Variants in LAMP2 observed in about 807,000 individuals in gnomAD.
LAMP2 encodes lysosome associated membrane protein 2, also known as lysosome-associated membrane glycoprotein 2.
In LAMP2, 4 loss-of-function variants were observed where a neutral mutation model predicts 25.6. That is an observed-to-expected ratio of 0.16 (90% CI 0.08 to 0.36). The LOEUF (loss-of-function observed/expected upper bound fraction) is 0.36. Among genes scored for constraint, LAMP2 ranks in the 10% least tolerant of loss-of-function variants. LAMP2 has a pLI of 1.00. For missense variants in LAMP2, 272 were observed against 301.4 expected (o/e 0.90, Z 0.72); for synonymous variants, 108 against 112.7 (o/e 0.96, Z 0.27).
At chrX:120,440,120 A>G (rs1185315256) in intron 8 of LAMP2, among the ~76,000 whole-genome samples, 1 of 112,380 alleles carries the variant, frequency 8.9e-6, no homozygotes, top group African/African-American at 3.2e-5. Flanking sequence ...TTCGTGCTAC[A>G]ATAGCAGGGT....
intron 7 of LAMP2, 129 bp from the exon 8 acceptor site, chrX:120,442,023 G>A: frequency 1.8e-6 from 1 of 545,710 alleles, no homozygotes; most frequent in Non-Finnish European, 3.1e-6. Context: ...CAGATCACGT[G>A]AGCCCAGGAG....
intron 1 of LAMP2, among the ~76,000 whole-genome samples, chrX:120,462,519 CAAA>C (rs199797977): frequency 1.6e-5 from 1 of 61,598 alleles, no homozygotes; most frequent in Non-Finnish European, 3.0e-5. Flanking sequence ...AAGACCCTGT[CAAA>C]AAAAAAAAAA....
chrX:120,468,344 A>G (rs758402825), intron 1 of LAMP2, among the ~76,000 whole-genome samples: 37 of 109,845 alleles, frequency 3.4e-4, no homozygotes, highest in African/African-American at 1.2e-3. Context: ...CATCCTCAAT[A>G]CCTCCAAGTC....
Position 120,429,173 on chromosome X carries a change from T to TAC in LAMP2, c.*2149_*2150insGT, listed in dbSNP as rs1022319055. On this transcript the variant is annotated 3_prime_UTR_variant, in exon 9 of 9. Coordinates refer to ENST00000200639, the MANE Select transcript of LAMP2 (RefSeq NM_002294.3). ...GTGTGTGTGTGTACATATATATATA[T>TAC]ATACACACACACACAATTATTTTTA... 5 of 741,296 alleles carry TAC rather than the reference T, an allele frequency of 6.7e-6. No individual in the cohort carries two copies. The South Asian group carries it at 2.1e-4, about 31-fold the overall frequency. The allele number at this position is 741,296 out of a possible 1,213,427, so 61.1% of individuals were successfully genotyped here.
At position 120,426,464 on chromosome X, in the gene LAMP2, G is replaced by T. The variant is rs908554155; in HGVS notation, c.*4859C>A. 3.6e-5 allele frequency among the ~76,000 whole-genome samples: 4 copies of T among 109,957 alleles called. No individual in the cohort carries two copies. Among genetic ancestry groups the T allele is most frequent in the African/African-American group, 1.3e-4 (4 of 30,216 alleles). On this transcript the variant is annotated 3_prime_UTR_variant, in exon 9 of 9. Transcript: ENST00000200639. ...TTTGAGCTTCCTTTATCTTATTGGA[G>T]TTGAAGCAGTTTTTAACCCTCTGTT...
rs1175310889 is a variant in LAMP2 at position 120,427,751 on chromosome X, G to C, written c.*3572C>G. On this transcript the variant is annotated 3_prime_UTR_variant, in exon 9 of 9. Transcript: ENST00000200639. ...ACCTTAATAAACCATAACCCATACA[G>C]GTGTTCCAAATCAACACCTTTTTTA... 1 of 110,838 alleles carries C rather than the reference G, an allele frequency of 9.0e-6. No individual in the cohort carries two copies. The highest frequency in any genetic ancestry group is 1.9e-5 in the Non-Finnish European group (1 of 52,873). 9.1% of individuals were successfully genotyped at this position (110,838 alleles called of 1,213,427 possible).
At chrX:120,452,989 G>T (rs1470303087) in intron 3 of LAMP2, among the ~76,000 whole-genome samples, 1 of 110,385 alleles carries the variant, frequency 9.1e-6, no homozygotes, top group Non-Finnish European at 1.9e-5. Context: ...AGAGATTTAT[G>T]AACCCTCTAC....
At chrX:120,440,740 T>A (rs1306420054) in intron 8 of LAMP2, among the ~76,000 whole-genome samples, 3 of 112,127 alleles carry the variant, frequency 2.7e-5, no homozygotes, top group Non-Finnish European at 5.6e-5. Flanking sequence ...TACTAAAGGA[T>A]CAAAATAATT....
chrX:120,429,177 C>T lies in LAMP2; in HGVS notation c.*2146G>A, dbSNP rs868133941. The T allele has an allele frequency of 5.6e-4, 367 of 659,659 alleles. No homozygotes were observed. Among genetic ancestry groups the T allele is most frequent in the Non-Finnish European group, 6.0e-4 (339 of 567,083 alleles). 54.4% of individuals were successfully genotyped at this position (659,659 alleles called of 1,213,427 possible). On this transcript the variant is annotated 3_prime_UTR_variant, in exon 9 of 9. Transcript: ENST00000200639. ...GTGTGTGTACATATATATATATATACACACACACACAATTATTTTTAGCTG... is the reference window on the plus strand; with the variant it reads ...GTGTGTGTACATATATATATATATATACACACACACAATTATTTTTAGCTG...
At chrX:120,446,249 A>G in intron 6 of LAMP2, 56 bp downstream of exon 6, 1 of 1,050,182 alleles carries the variant, frequency 9.5e-7, no homozygotes, top group Non-Finnish European at 1.3e-6. Context: ...AACTATTTAG[A>G]CTTTCAGATG....
At chrX:120,436,170 A>ACACACACTCTCTCTCTCT (rs1251901451) in intron 8 of LAMP2, among the ~76,000 whole-genome samples, 1 of 57,304 alleles carries the variant, frequency 1.7e-5, no homozygotes, top group African/African-American at 5.0e-5. Flanking sequence ...ACACACACAC[A>ACACACACTCTCTCTCTCT]CTCTCTCTCT....
At chrX:120,436,496 G>A (rs1163162405) in intron 8 of LAMP2, 2 of 737,430 alleles carry the variant, frequency 2.7e-6, no homozygotes, top group African/African-American at 4.7e-5. Flanking sequence ...TAAGCAAATT[G>A]CCTTAAGAAA....
At chrX:120,449,226 C>G in intron 3 of LAMP2, 98 bp from the exon 4 acceptor site, 1 of 668,834 alleles carries the variant, frequency 1.5e-6, no homozygotes. Flanking sequence ...CTCTGCCTGC[C>G]CTACCCCAGG....
chrX:120,462,128 T>C (rs1229051533), intron 1 of LAMP2, among the ~76,000 whole-genome samples: 1 of 111,728 alleles, frequency 9.0e-6, no homozygotes, highest in East Asian at 2.8e-4. Context: ...GAGTTTATTC[T>C]CTAAATAAAA....
In LAMP2 at chrX:120,431,307, A is replaced by G; in HGVS notation, c.*16T>C. ...TATTTGCATGTATTTTTATATAATC[A>G]ATCAGGTTGCAGATTCTAAAATTGC... On this transcript the variant is annotated 3_prime_UTR_variant, in exon 9 of 9. Coordinates refer to ENST00000200639, the MANE Select transcript of LAMP2 (RefSeq NM_002294.3). 2.5e-6 allele frequency: 3 copies of G among 1,210,585 alleles called. No homozygotes were observed. The highest frequency in any genetic ancestry group is 3.4e-6 in the Non-Finnish European group (3 of 894,322).
chrX:120,468,996 T>G, intron 1 of LAMP2, 110 bp downstream of exon 1: 1 of 894,253 alleles, frequency 1.1e-6, no homozygotes, highest in Non-Finnish European at 1.6e-6. Context: ...CAGTGTTAGC[T>G]GCTGAGCCTC....
At chrX:120,455,698 T>G in intron 2 of LAMP2, 128 bp from the exon 3 acceptor site, 2 of 525,004 alleles carry the variant, frequency 3.8e-6, no homozygotes, top group East Asian at 7.2e-5. Context: ...TTGCCTGGTT[T>G]GCTGTGTAAA....
chrX:120,437,980 C>A (rs1349508759), intron 8 of LAMP2: 1 of 238,878 alleles, frequency 4.2e-6, no homozygotes, highest in East Asian at 2.4e-4. Flanking sequence ...CTCAGCCTCC[C>A]GAGTAACTGG....
At chrX:120,464,415 T>C (rs1305885306) in intron 1 of LAMP2, among the ~76,000 whole-genome samples, 1 of 111,590 alleles carries the variant, frequency 9.0e-6, no homozygotes, top group South Asian at 3.7e-4. Flanking sequence ...CCAGACCCTA[T>C]GCTAGGTAGG....
Sources: allele counts gnomAD v4.1 joint callset (sites outside exome capture counted in the v4.1 genomes callset), GRCh38; gene constraint gnomAD v4.1.1; transcripts MANE v1.5; gene names NCBI Gene and HGNC (gene_info 2026-07-23, HGNC 2026-07-21).